DPP6: variants seen among roughly 807,000 people sequenced by gnomAD.
DPP6 encodes dipeptidyl peptidase like 6.
A neutral mutation model predicts 122.6 loss-of-function variants in DPP6; 69 were observed. That is an observed-to-expected ratio of 0.56 (90% confidence interval 0.46 to 0.69). DPP6 has a LOEUF of 0.69. DPP6 is among the 30% of genes least tolerant of loss of function. DPP6 has a pLI of 0.00. For missense variants in DPP6, 928 were observed against 1,116.9 expected, an observed-to-expected ratio of 0.83 and a Z score of 2.41; for synonymous variants, 418 against 433.1, an observed-to-expected ratio of 0.97 and a Z score of 0.43.
At chr7:154,388,047 A>G (rs1418971209) in intron 1 of DPP6, among the ~76,000 whole-genome samples, 1 of 152,066 alleles carries the variant, frequency 6.6e-6, no homozygotes. Flanking sequence ...TCAGCCTGTA[A>G]TCCCATCACT....
intron 1 of DPP6, among the ~76,000 whole-genome samples, chr7:154,153,387 A>G (rs1404434114): frequency 6.6e-6 from 1 of 152,138 alleles, no homozygotes; most frequent in Non-Finnish European, 1.5e-5. Context: ...GGGTTTCACC[A>G]TGTTGGTCAG....
chr7:154,699,372 G>A (rs977509192), intron 7 of DPP6, among the ~76,000 whole-genome samples: 8 of 152,096 alleles, frequency 5.3e-5, no homozygotes, highest in African/African-American at 7.2e-5. Flanking sequence ...GACAAGTCTC[G>A]GATCTAACTG....
chr7:154,106,024 C>T (rs2150577113), intron 1 of DPP6, among the ~76,000 whole-genome samples: 1 of 152,068 alleles, frequency 6.6e-6, no homozygotes, highest in African/African-American at 2.4e-5. Flanking sequence ...TATAACTCCC[C>T]TGAATACACT....
chr7:154,154,776 C>T (rs142579035), intron 1 of DPP6, among the ~76,000 whole-genome samples: 6 of 152,352 alleles, frequency 3.9e-5, no homozygotes, highest in Non-Finnish European at 7.3e-5. Context: ...ATACTGCATA[C>T]ATGCATGTAC....
the DPP6 span, among the ~76,000 whole-genome samples, chr7:153,860,079 G>T: frequency 6.6e-6 from 1 of 152,044 alleles, no homozygotes; most frequent in Non-Finnish European, 1.5e-5. Flanking sequence ...ACTCAATTTA[G>T]GTTGCTGTTA....
chr7:154,399,689 G>C (rs746003503), intron 1 of DPP6, among the ~76,000 whole-genome samples: 1 of 152,150 alleles, frequency 6.6e-6, no homozygotes, highest in Non-Finnish European at 1.5e-5. Context: ...TAAATTACCT[G>C]ATAGGGCATG....
chr7:154,793,040 C>T (rs1797787862), intron 10 of DPP6, among the ~76,000 whole-genome samples: 2 of 152,224 alleles, frequency 1.3e-5, no homozygotes, highest in Admixed American at 1.3e-4. Context: ...TTAACTGAGG[C>T]TCCAGCCAAG....
chr7:153,846,597 G>A, the DPP6 span, among the ~76,000 whole-genome samples: 1 of 147,882 alleles, frequency 6.8e-6, no homozygotes, highest in South Asian at 2.1e-4. Flanking sequence ...TTTTTTTTCT[G>A]CCTCATCCAA....
chr7:154,809,253 T>A (rs547507065), intron 16 of DPP6, among the ~76,000 whole-genome samples: 211 of 146,524 alleles, frequency 1.4e-3, no homozygotes, highest in Middle Eastern at 7.1e-3. Flanking sequence ...TTTCTTTTTT[T>A]AAAAAAAAAA....
intron 5 of DPP6, among the ~76,000 whole-genome samples, chr7:154,608,553 T>G (rs1291932387): frequency 6.7e-6 from 1 of 149,570 alleles, no homozygotes; most frequent in African/African-American, 2.5e-5. Flanking sequence ...GCCAGGCTGG[T>G]CTTGAACTCC....
chr7:154,180,705 A>G (rs1425108762), intron 1 of DPP6, among the ~76,000 whole-genome samples: 1 of 151,820 alleles, frequency 6.6e-6, no homozygotes, highest in Admixed American at 6.6e-5. Flanking sequence ...ATATTCTAGG[A>G]ATGACAATCT....
rs1444575525 is a variant in DPP6 at position 154,624,348 on chromosome 7, T to C, written c.628-13473T>C. ...TCTTAAAAAAAAAAAAAAAATCAGC[T>C]TGGTGTGGTGGTAGGTGCCTATAAT... On this transcript the variant is annotated intron_variant, in intron 5 of 25. Coordinates refer to ENST00000377770, the MANE Select transcript of DPP6 (RefSeq NM_130797.4). The surrounding 1 kb of genome is among the most constrained non-coding windows in gnomAD (Gnocchi z 4.7). 2.1e-5 allele frequency among the ~76,000 whole-genome samples: 3 copies of C among 140,342 alleles called. No homozygotes were observed. The highest frequency in any genetic ancestry group is 2.1e-4 in the East Asian group (1 of 4,870). The allele number at this position is 140,342 out of a possible 152,430, so 92.1% of individuals were successfully genotyped here.
intron 1 of DPP6, among the ~76,000 whole-genome samples, chr7:153,999,456 T>C (rs1483036631): frequency 6.6e-6 from 1 of 152,210 alleles, no homozygotes; most frequent in Non-Finnish European, 1.5e-5. Flanking sequence ...TTTGACCTTA[T>C]GGGCACTGAG....
At chr7:154,889,931 C>A (rs938489920) in intron 25 of DPP6, 1 of 204,702 alleles carries the variant, frequency 4.9e-6, no homozygotes, top group African/African-American at 2.3e-5. Context: ...GAGCCTTGCC[C>A]CACTGCTTCC....
chr7:154,322,673 T>C (rs73167330), intron 1 of DPP6, among the ~76,000 whole-genome samples: 9,325 of 152,202 alleles, frequency 0.061, 355 homozygotes, highest in Middle Eastern at 0.1. Context: ...TTTCCTCGAC[T>C]CTAGCAAATC....
chr7:154,299,299 C>T (rs1324616882), intron 1 of DPP6, among the ~76,000 whole-genome samples: 2 of 152,256 alleles, frequency 1.3e-5, no homozygotes, highest in Middle Eastern at 3.4e-3. Flanking sequence ...AAGTAATGGG[C>T]GTGCAAGAGA....
chr7:154,463,333 G>A (rs112858943), intron 2 of DPP6, among the ~76,000 whole-genome samples: 32,296 of 149,068 alleles, frequency 0.22, 3,844 homozygotes, highest in East Asian at 0.33. Context: ...TCAGCCTCCC[G>A]TGTAGCTGGG....
intron 1 of DPP6, among the ~76,000 whole-genome samples, chr7:154,160,103 C>T (rs940047017): frequency 7.2e-5 from 11 of 151,806 alleles, no homozygotes; most frequent in Admixed American, 7.2e-4. Flanking sequence ...GAGCAAGATC[C>T]TGTCTCAAAA....
At chr7:154,813,785 C>T (rs1258877967) in intron 16 of DPP6, among the ~76,000 whole-genome samples, 1 of 151,268 alleles carries the variant, frequency 6.6e-6, no homozygotes, top group Non-Finnish European at 1.5e-5. Context: ...GGCATACATA[C>T]TTAATTGGTC....
Sources: gnomAD v4.1 joint callset for allele counts (sites outside exome capture counted in the v4.1 genomes callset) on GRCh38, gnomAD v4.1.1 for gene constraint, Gnocchi (gnomAD v3.1) non-coding constraint, MANE v1.5 for transcripts, NCBI Gene and HGNC (gene_info 2026-07-23, HGNC 2026-07-21) for gene names.